The following PRRC2C variants were observed in gnomAD, a reference collection of about 807,000 sequenced individuals.
The protein encoded by PRRC2C is protein PRRC2C.
In PRRC2C, 72 loss-of-function variants were observed where a neutral mutation model predicts 317.2. The ratio of observed to expected loss-of-function variants is 0.23; its 90% confidence interval spans 0.19 to 0.28. The LOEUF (loss-of-function observed/expected upper bound fraction) is 0.28. PRRC2C is among the 10% of genes least tolerant of loss of function. PRRC2C has a pLI of 1.00. For synonymous variants in PRRC2C, 1,296 were observed against 1,205.9 expected, an observed-to-expected ratio of 1.07 and a Z score of -1.55; for missense variants, 3,074 against 3,459.7, an observed-to-expected ratio of 0.89 and a Z score of 2.80.
Position 171,574,943 on chromosome 1 carries a change from A to G in PRRC2C, c.6770A>G (p.Lys2257Arg). ...TTATTGCAGATGGAGTCTGCACGCA[A>G]AGCATGGGAGAATTCTCCAAATGTA... ...SLTFKMESAR[K>R]AWENSPNVRE... The change falls in exon 25 of 35, where the codon AAA (lysine) becomes AGA (arginine). Residue 2257 changes from lysine (K) to arginine (R), a missense_variant. Physicochemically the swap from Lys to Arg is conservative, Grantham distance 26 (BLOSUM62 2). Around this residue, in one of 11 missense-constraint regions of PRRC2C, gnomAD observed 490 missense variants for 663.1 expected, o/e 0.74. Transcript: ENST00000647382. 6.2e-7 allele frequency: 1 copy of G among 1,613,862 alleles called. No homozygotes were observed.
At position 171,512,570 on chromosome 1, in the gene PRRC2C, G is replaced by GGT. The variant is rs141739183; in HGVS notation, c.112+387_112+388dup. The GGT allele has an allele frequency of 2.3e-3, 584 of 251,374 alleles. 6 individuals carry two copies. The highest frequency in any genetic ancestry group is 0.014 in the Middle Eastern group (9 of 648). The allele number at this position is 251,374 out of a possible 1,614,324, so 15.6% of individuals were successfully genotyped here. A position where few individuals can be genotyped will look rare whatever the true frequency, so the allele number is the denominator to read the frequency against. On this transcript the variant is annotated intron_variant, in intron 2 of 34. Transcript: ENST00000647382. ...GAAAGTCTTATGTTTCGTGTGTGGGGGTGTGTGTGTGTGTGTGTTAGATAC... is the reference window on the plus strand; with the variant it reads ...GAAAGTCTTATGTTTCGTGTGTGGGGGTGTGTGTGTGTGTGTGTGTTAGATAC...
In PRRC2C at chr1:171,491,693, G is replaced by A. The variant is rs559318845; in HGVS notation, c.-58+5958G>A. On this transcript the variant is annotated intron_variant, in intron 1 of 34. Transcript: ENST00000647382. ...CAAGTACAGAATTCTCATTTATCCA[G>A]TGTACTTTAAAGATCTGTATTGTAG... Among the ~76,000 whole-genome samples the A allele has an allele frequency of 9.2e-5, 14 of 152,224 alleles. No individual in the cohort carries two copies. In the East Asian group the frequency reaches 2.7e-3, roughly 29 times the overall value.
At chr1:171,586,366 T>C (rs1244029974) in intron 30 of PRRC2C, among the ~76,000 whole-genome samples, 1 of 150,942 alleles carries the variant, frequency 6.6e-6, no homozygotes, top group Non-Finnish European at 1.5e-5. Flanking sequence ...GCTGGGATTA[T>C]AGGCGTGAGC....
At chr1:171,589,316 T>G (rs1238088571) in intron 33 of PRRC2C, 53 bp from the exon 34 acceptor site, 79 of 704,742 alleles carry the variant, frequency 1.1e-4, no homozygotes, top group Middle Eastern at 4.1e-4. Context: ...CAGTTTTTTT[T>G]TTTTTTTTTT....
At chr1:171,566,971 A>G in intron 22 of PRRC2C, 128 bp downstream of exon 22, 1 of 1,074,546 alleles carries the variant, frequency 9.3e-7, no homozygotes, top group Non-Finnish European at 1.3e-6. Context: ...ATTTCCGCAA[A>G]GAAGATTTTG....
chr1:171,589,183 C>G (rs1168099874), intron 33 of PRRC2C, among the ~76,000 whole-genome samples, 186 bp from the exon 34 acceptor site: 1 of 152,152 alleles, frequency 6.6e-6, no homozygotes, highest in Non-Finnish European at 1.5e-5. Flanking sequence ...TTCTGTTAAA[C>G]TCTCCAAGCA....
chr1:171,566,795 A>G lies in PRRC2C; in HGVS notation c.6510A>G (p.Ile2170Met), dbSNP rs1185384221. The G allele has an allele frequency of 2.5e-6, 4 of 1,613,878 alleles. No individual in the cohort carries two copies. The highest frequency in any genetic ancestry group is 1.3e-5 in the African/African-American group (1 of 75,068). The change falls in exon 22 of 35, where the codon ATA (isoleucine) becomes ATG (methionine). Residue 2170 changes from isoleucine to methionine, a missense_variant. Transcript: ENST00000647382. ...TKAVSEMSTE[I>M]GTMISVSSAE... ...CAGTCTCAGAAATGTCTACTGAAAT[A>G]GGAACAATGATCTCGGTATCATCTG...
chr1:171,539,892 A>G (rs546665989), intron 15 of PRRC2C, 79 bp from the exon 16 acceptor site: 4 of 1,183,862 alleles, frequency 3.4e-6, no homozygotes, highest in South Asian at 3.0e-5. Flanking sequence ...TTTCTGTTTT[A>G]GAGGGATTAT....
intron 34 of PRRC2C, among the ~76,000 whole-genome samples, chr1:171,590,057 T>C (rs1245735564): frequency 6.6e-6 from 1 of 151,524 alleles, no homozygotes; most frequent in Admixed American, 6.6e-5. Context: ...CAGCTTAAAA[T>C]GTAAATCATG....
At chr1:171,494,225 C>T (rs1159144557) in intron 1 of PRRC2C, among the ~76,000 whole-genome samples, 1 of 152,202 alleles carries the variant, frequency 6.6e-6, no homozygotes, top group Non-Finnish European at 1.5e-5. Context: ...TTGATAGCTA[C>T]ATTTCTGTTC....
intron 1 of PRRC2C, among the ~76,000 whole-genome samples, chr1:171,507,221 T>G (rs1371563411): frequency 6.6e-6 from 1 of 152,112 alleles, no homozygotes; most frequent in African/African-American, 2.4e-5. Flanking sequence ...TCTCATTTAT[T>G]TAACATAAAA....
rs1677980938 is a variant in PRRC2C at position 171,541,668 on chromosome 1, C to T, written c.4202C>T (p.Pro1401Leu). The T allele has an allele frequency of 1.9e-6, 3 of 1,613,812 alleles. No individual in the cohort carries two copies. The highest frequency in any genetic ancestry group is 2.5e-6 in the Non-Finnish European group (3 of 1,179,868). Residue 1401 changes from proline (P) to leucine (L), a missense_variant, in exon 16 of 35, where the codon CCT (proline) becomes CTT (leucine). Physicochemically the swap from Pro to Leu is moderately conservative, Grantham distance 98. This residue lies in a region of PRRC2C where 1,320 missense variants were observed against 1,395.7 expected (regional missense o/e 0.95). Coordinates refer to ENST00000647382, the MANE Select transcript of PRRC2C (RefSeq NM_001387844.1). The surrounding 1 kb of genome is among the most constrained non-coding windows in gnomAD (Gnocchi z 4.1). ...EPPRRHEQFI[P>L]IAADKRPPKF... ...CCAAGAAGACATGAGCAGTTTATTC[C>T]TATAGCAGCAGATAAACGACCTCCA...
chr1:171,509,464 G>A (rs990246594), intron 1 of PRRC2C: 4 of 152,146 alleles, frequency 2.6e-5, no homozygotes, highest in African/African-American at 9.7e-5. Context: ...GAGCACTAGA[G>A]GAAAGATTGA....
intron 12 of PRRC2C, among the ~76,000 whole-genome samples, chr1:171,534,410 T>C (rs1487611648): frequency 6.6e-6 from 1 of 151,810 alleles, no homozygotes; most frequent in Admixed American, 6.6e-5. Context: ...TTTTATATAT[T>C]CTCTCTCATG....
At chr1:171,526,182 A>C (rs1228956573) in intron 10 of PRRC2C, among the ~76,000 whole-genome samples, 1 of 152,134 alleles carries the variant, frequency 6.6e-6, no homozygotes, top group Non-Finnish European at 1.5e-5. Flanking sequence ...ATTTTGTTCC[A>C]TTATGTTTTA....
intron 34 of PRRC2C, 132 bp from the exon 35 acceptor site, chr1:171,591,455 G>A: frequency 2.0e-6 from 2 of 994,476 alleles, no homozygotes; most frequent in East Asian, 2.6e-5. Context: ...GATCAATGAG[G>A]TACTTTTGGC....
chr1:171,537,655 A>C (rs1219108932), intron 15 of PRRC2C, among the ~76,000 whole-genome samples, 182 bp downstream of exon 15: 1 of 152,144 alleles, frequency 6.6e-6, no homozygotes, highest in African/African-American at 2.4e-5. Context: ...GGCATTTTGT[A>C]ACCTGGTTCT....
intron 1 of PRRC2C, among the ~76,000 whole-genome samples, chr1:171,501,756 G>T (rs1669159689): frequency 1.3e-5 from 2 of 152,200 alleles, no homozygotes; most frequent in South Asian, 4.1e-4. Flanking sequence ...GTGTGGATGG[G>T]TTTTGAAATC....
intron 15 of PRRC2C, 92 bp downstream of exon 15, chr1:171,537,565 C>G (rs1677060944): frequency 8.9e-7 from 1 of 1,128,774 alleles, no homozygotes; most frequent in African/African-American, 1.6e-5. Flanking sequence ...CAATTTAGGA[C>G]TGAAGCATAA....
Sources: allele counts gnomAD v4.1 joint callset (sites outside exome capture counted in the v4.1 genomes callset), GRCh38; gene constraint gnomAD v4.1.1; regional missense constraint gnomAD v4.1.1; non-coding constraint Gnocchi (gnomAD v3.1); transcripts MANE v1.5; gene names NCBI Gene and HGNC (gene_info 2026-07-23, HGNC 2026-07-21).